The following BRD3 variants were observed in gnomAD, a reference collection of about 807,000 sequenced individuals.
BRD3 encodes bromodomain-containing protein 3.
Under a neutral mutation model 66.8 loss-of-function variants are expected in BRD3, and 17 were observed. That is an observed-to-expected ratio of 0.25 (90% CI 0.17 to 0.38). The LOEUF (loss-of-function observed/expected upper bound fraction) is 0.38, where lower values mean the gene tolerates loss of function less well. Ranked by LOEUF, BRD3 falls within the 10% of genes least tolerant of loss-of-function variation. The pLI is 1.00. For missense variants in BRD3, 713 were observed against 956.1 expected, an observed-to-expected ratio of 0.75 and a Z score of 3.35; for synonymous variants, 421 against 393.2, an observed-to-expected ratio of 1.07 and a Z score of -0.84.
intron 8 of BRD3, among the ~76,000 whole-genome samples, chr9:134,041,293 G>A (rs975923327): frequency 6.6e-6 from 1 of 152,196 alleles, no homozygotes; most frequent in Non-Finnish European, 1.5e-5. Context: ...TACTGCAAAC[G>A]AGGAAAGCAG....
Position 134,032,591 on chromosome 9 carries a change from C to T in BRD3, c.*999G>A, listed in dbSNP as rs1246525139. ...GCCGCCGCCAGACAGGACCCGCGCC[C>T]GGCACACCACTGGCAAGGCCTGCAT... On this transcript the variant is annotated 3_prime_UTR_variant, in exon 12 of 12. Coordinates refer to ENST00000303407, the MANE Select transcript of BRD3 (RefSeq NM_007371.4). 2.2e-5 allele frequency: 5 copies of T among 230,964 alleles called. No homozygotes were observed. Among genetic ancestry groups the T allele is most frequent in the Non-Finnish European group, 3.4e-5 (4 of 116,660 alleles). The allele number at this position is 230,964 out of a possible 1,614,324, so 14.3% of individuals were successfully genotyped here.
chr9:134,067,316 G>A (rs1237672444), intron 1 of BRD3, among the ~76,000 whole-genome samples: 1 of 151,816 alleles, frequency 6.6e-6, no homozygotes, highest in African/African-American at 2.4e-5. Context: ...ACTCTGGGAG[G>A]AGGCCGCGCA....
rs200518088 is a variant in BRD3, at chr9:134,053,486, A to G, written c.-9T>C. ...GTCGTGGCGGTGGACATCCTCCGGC[A>G]GCTCACTCACTTTCTGTCACAGCAG... On this transcript the variant is annotated 5_prime_UTR_variant, in exon 2 of 12. Coordinates refer to ENST00000303407, the MANE Select transcript of BRD3 (RefSeq NM_007371.4). 383 of 1,582,618 alleles carry G rather than the reference A, an allele frequency of 2.4e-4. No individual in the cohort carries two copies. Among genetic ancestry groups the G allele is most frequent in the Middle Eastern group, 4.2e-4 (2 of 4,748 alleles).
rs1830560829 is a variant in BRD3 at position 134,062,279 on chromosome 9, C to G, written c.-114+5666G>C. Among the ~76,000 whole-genome samples, 5 of 152,154 alleles carry G rather than the reference C, an allele frequency of 3.3e-5. No individual in the cohort carries two copies. The South Asian group carries it at 1.0e-3, about 31-fold the overall frequency. Reference sequence around the variant, plus strand: ...GCAGCTGCCTGGCCGCCTGGAGGGCCCGGCTCTACAGGCCCAGCCCTGTCC... The same window carrying G: ...GCAGCTGCCTGGCCGCCTGGAGGGCGCGGCTCTACAGGCCCAGCCCTGTCC... On this transcript the variant is annotated intron_variant, in intron 1 of 11. Transcript: ENST00000303407.
At chr9:134,065,436 GAAAA>G (rs36113909) in intron 1 of BRD3, among the ~76,000 whole-genome samples, 2 of 135,560 alleles carry the variant, frequency 1.5e-5, no homozygotes, top group South Asian at 4.7e-4. Context: ...GAGGAGAAGA[GAAAA>G]AAAAAAAAAA....
chr9:134,033,757 C>T lies in BRD3; in HGVS notation c.2066-52G>A. ...GCTCGCACACCCGCTTCTTGACCCG[C>T]TTGGCGGCATGTCGTCCATGCCAGC... On this transcript the variant is annotated intron_variant, in intron 11 of 11. Coordinates refer to ENST00000303407, the MANE Select transcript of BRD3 (RefSeq NM_007371.4). The surrounding 1 kb of genome is among the most constrained non-coding windows in gnomAD (Gnocchi z 5.1). 1.5e-6 allele frequency: 1 copy of T among 680,572 alleles called. No homozygotes were observed. The highest frequency in any genetic ancestry group is 2.7e-6 in the Non-Finnish European group (1 of 369,706). 42.2% of individuals were successfully genotyped at this position (680,572 alleles called of 1,614,324 possible).
chr9:134,047,935 C>T (rs550653277), intron 6 of BRD3, 148 bp downstream of exon 6: 229 of 1,145,794 alleles, frequency 2.0e-4, no homozygotes, highest in South Asian at 1.3e-3. Flanking sequence ...CCACAGCCGG[C>T]GCTGCGGGGG....
At chr9:134,034,665 C>G (rs770909070) in intron 11 of BRD3, 36 bp downstream of exon 11, 8 of 1,599,444 alleles carry the variant, frequency 5.0e-6, no homozygotes, top group East Asian at 2.2e-5. Flanking sequence ...CCCCCACCCC[C>G]CTAAAGAGGG....
intron 1 of BRD3, among the ~76,000 whole-genome samples, chr9:134,060,032 C>T (rs1463459427): frequency 1.3e-5 from 2 of 152,196 alleles, no homozygotes; most frequent in Non-Finnish European, 2.9e-5. Context: ...GGCGGAGGCT[C>T]AGAGACCCTC....
intron 4 of BRD3, 79 bp downstream of exon 4, chr9:134,051,483 A>G: frequency 7.2e-7 from 1 of 1,384,070 alleles, no homozygotes; most frequent in Non-Finnish European, 9.4e-7. Context: ...TCAGATGGCT[A>G]AAGGATCGCG....
rs200014458 is a variant in BRD3 at position 134,041,935 on chromosome 9, C to T, written c.1232G>A (p.Arg411Lys). The T allele has an allele frequency of 5.0e-6, 8 of 1,592,442 alleles. No individual in the cohort carries two copies. The highest frequency in any genetic ancestry group is 6.9e-6 in the Non-Finnish European group (8 of 1,167,238). Reference protein sequence around the residue: ...ARKLQDVFEMRFAKMPDEPVE... With the variant: ...ARKLQDVFEMKFAKMPDEPVE... ...GGGCTCATCTGGCATCTTGGCAAAC[C>T]TCATCTCAAACACGTCCTGCGGCAG... The change falls in exon 8 of 12, where the codon AGG becomes AAG. Residue 411 changes from arginine (R) to lysine (K), a missense_variant. By Grantham distance (26) the Arg-to-Lys change is conservative. This residue lies in a region of BRD3 where 418 missense variants were observed against 609.3 expected (regional missense o/e 0.69). Transcript: ENST00000303407.
At chr9:134,066,564 A>G (rs1332182452) in intron 1 of BRD3, among the ~76,000 whole-genome samples, 2 of 14,186 alleles carry the variant, frequency 1.4e-4, no homozygotes, top group East Asian at 1.5e-3. Flanking sequence ...GGACCCAGGA[A>G]AAAAAAAAAA....
intron 1 of BRD3, among the ~76,000 whole-genome samples, chr9:134,067,456 G>A (rs1830687943): frequency 6.7e-6 from 1 of 149,248 alleles, no homozygotes; most frequent in African/African-American, 2.4e-5. Context: ...GTGGCCCCGC[G>A]GAGCGCACGG....
chr9:134,054,123 T>G (rs990016656), intron 1 of BRD3: 1 of 152,500 alleles, frequency 6.6e-6, no homozygotes, highest in Non-Finnish European at 1.5e-5. Context: ...GTGGTGCCCT[T>G]GAGCGAGGCC....
At chr9:134,059,972 T>C (rs961760330) in intron 1 of BRD3, among the ~76,000 whole-genome samples, 2 of 152,132 alleles carry the variant, frequency 1.3e-5, no homozygotes, top group South Asian at 4.1e-4. Flanking sequence ...ACTGCTGCTC[T>C]CCCCTGGGCA....
rs564145386 is a variant in BRD3, at chr9:134,033,566, T to C, written c.*24A>G. The C allele has an allele frequency of 2.7e-6, 2 of 734,856 alleles. No individual in the cohort carries two copies. Among genetic ancestry groups the C allele is most frequent in the East Asian group, 2.6e-5 (1 of 39,184 alleles). 45.5% of individuals were successfully genotyped at this position (734,856 alleles called of 1,614,324 possible). ...AGTCTCGGCGTGTGCGACATCCATCTGTCCTGTTCTGTCCGAAGCCAGTTC... is the reference window on the plus strand; with the variant it reads ...AGTCTCGGCGTGTGCGACATCCATCCGTCCTGTTCTGTCCGAAGCCAGTTC... On this transcript the variant is annotated 3_prime_UTR_variant, in exon 12 of 12. Coordinates refer to ENST00000303407, the MANE Select transcript of BRD3 (RefSeq NM_007371.4). This position sits in a 1 kb window ranked among gnomAD's most constrained non-coding sequence, Gnocchi z 5.1.
chr9:134,060,503 G>A (rs941944566), intron 1 of BRD3, among the ~76,000 whole-genome samples: 35 of 152,062 alleles, frequency 2.3e-4, no homozygotes, highest in African/African-American at 7.5e-4. Context: ...GAGGTGGGAG[G>A]ATCACTTGAG....
intron 1 of BRD3, among the ~76,000 whole-genome samples, chr9:134,066,336 G>C (rs552393882): frequency 6.6e-6 from 1 of 152,330 alleles, no homozygotes; most frequent in African/African-American, 2.4e-5. Context: ...CCTCAACAGA[G>C]AAAACGGCAA....
At chr9:134,061,509 G>A (rs1397206185) in intron 1 of BRD3, among the ~76,000 whole-genome samples, 3 of 152,210 alleles carry the variant, frequency 2.0e-5, no homozygotes, top group Non-Finnish European at 4.4e-5. Flanking sequence ...CCAAGGGTGG[G>A]GGTGCTGGAG....
Sources: allele counts gnomAD v4.1 joint callset (sites outside exome capture counted in the v4.1 genomes callset), GRCh38; gene constraint gnomAD v4.1.1; regional missense constraint gnomAD v4.1.1; non-coding constraint Gnocchi (gnomAD v3.1); transcripts MANE v1.5; gene names NCBI Gene and HGNC (gene_info 2026-07-23, HGNC 2026-07-21).